Variants in NTF3 observed in about 807,000 individuals in gnomAD.
The protein encoded by NTF3 is neurotrophin 3.
Under a neutral mutation model 26.3 loss-of-function variants are expected in NTF3, and 8 were observed. That is an observed-to-expected ratio of 0.30 (90% CI 0.18 to 0.55). The LOEUF (loss-of-function observed/expected upper bound fraction) is 0.55, where lower values mean the gene tolerates loss of function less well. Among genes scored for constraint, NTF3 ranks in the 20% least tolerant of loss-of-function variants. The pLI is 0.93. For synonymous variants in NTF3, 154 were observed against 145.5 expected (o/e 1.06, Z -0.42); for missense variants, 276 against 352.9 (o/e 0.78, Z 1.75).
In NTF3 at chr12:5,465,673, G is replaced by A. The variant is rs572667231; in HGVS notation, c.19-28521G>A. On this transcript the variant is annotated intron_variant, in intron 1 of 1. Coordinates refer to ENST00000423158, the MANE Select transcript of NTF3 (RefSeq NM_001102654.2). ...TGTGGCTCGCACTCAGACTGCTGAT[G>A]GCCACGCAAGGCTTTCAGCTTCTCT... 1.9e-4 allele frequency among the ~76,000 whole-genome samples: 29 copies of A among 152,334 alleles called. 2 individuals carry two copies. The South Asian group carries it at 6.0e-3, about 32-fold the overall frequency.
At chr12:5,444,855 A>T (rs573596606) in intron 1 of NTF3, among the ~76,000 whole-genome samples, 4 of 152,362 alleles carry the variant, frequency 2.6e-5, no homozygotes, top group African/African-American at 9.6e-5. Context: ...CATGAGATGC[A>T]GAGGGAACGC....
chr12:5,476,537 T>C (rs1289969271), intron 1 of NTF3, among the ~76,000 whole-genome samples: 1 of 152,178 alleles, frequency 6.6e-6, no homozygotes, highest in African/African-American at 2.4e-5. Context: ...GCTGGGAGAA[T>C]AGATGTATAA....
chr12:5,481,555 A>C (rs1940798717), intron 1 of NTF3, among the ~76,000 whole-genome samples: 2 of 144,188 alleles, frequency 1.4e-5, no homozygotes, highest in Non-Finnish European at 3.0e-5. Context: ...ACATATATGC[A>C]CACACACACA....
At chr12:5,485,207 TGG>T (rs1940853570) in intron 1 of NTF3, among the ~76,000 whole-genome samples, 1 of 152,240 alleles carries the variant, frequency 6.6e-6, no homozygotes, top group South Asian at 2.1e-4. Flanking sequence ...AGCCTTAGAC[TGG>T]AAATTTCCCC....
intron 1 of NTF3, among the ~76,000 whole-genome samples, chr12:5,474,314 C>T (rs559164914): frequency 3.3e-5 from 5 of 152,168 alleles, no homozygotes; most frequent in Non-Finnish European, 7.3e-5. Context: ...TAAAAGAATG[C>T]GGTAAGTGCT....
intron 1 of NTF3, among the ~76,000 whole-genome samples, chr12:5,432,606 CAG>C (rs1555141046): frequency 1.7e-4 from 23 of 134,966 alleles, no homozygotes; most frequent in African/African-American, 6.1e-4. Flanking sequence ...CACACACACA[CAG>C]ACACGGACAC....
intron 1 of NTF3, among the ~76,000 whole-genome samples, chr12:5,445,352 TCTC>T (rs1940292732): frequency 6.6e-6 from 1 of 150,754 alleles, no homozygotes; most frequent in African/African-American, 2.4e-5. Flanking sequence ...AGTTTTAAAG[TCTC>T]CTGAAAATTA....
At chr12:5,489,891 A>G (rs1940912499) in intron 1 of NTF3, among the ~76,000 whole-genome samples, 1 of 152,192 alleles carries the variant, frequency 6.6e-6, no homozygotes, top group African/African-American at 2.4e-5. Flanking sequence ...AAAAGGAGGA[A>G]TCAGAAATTG....
chr12:5,473,330 A>G (rs1479081863), intron 1 of NTF3, among the ~76,000 whole-genome samples: 1 of 152,124 alleles, frequency 6.6e-6, no homozygotes, highest in Non-Finnish European at 1.5e-5. Context: ...TGCCCTCAGG[A>G]ACTTGAAATC....
intron 1 of NTF3, among the ~76,000 whole-genome samples, chr12:5,463,904 A>G (rs1940554333): frequency 1.3e-5 from 2 of 152,232 alleles, no homozygotes; most frequent in Non-Finnish European, 2.9e-5. Flanking sequence ...TCTTGGCATA[A>G]TAACGAAATA....
intron 1 of NTF3, among the ~76,000 whole-genome samples, chr12:5,478,413 C>T (rs545668010): frequency 2.0e-5 from 3 of 152,324 alleles, no homozygotes; most frequent in South Asian, 2.1e-4. Context: ...GTTTCACATT[C>T]TGAATCAATG....
At chr12:5,445,764 TC>T (rs1364179538) in intron 1 of NTF3, among the ~76,000 whole-genome samples, 1 of 152,206 alleles carries the variant, frequency 6.6e-6, no homozygotes, top group Non-Finnish European at 1.5e-5. Context: ...TCTGCTCTCC[TC>T]CCTGCCTTTT....
chr12:5,493,459 G>T (rs747939050), intron 1 of NTF3, among the ~76,000 whole-genome samples: 1 of 152,216 alleles, frequency 6.6e-6, no homozygotes, highest in Non-Finnish European at 1.5e-5. Flanking sequence ...TCTGTCTTCT[G>T]CAAGTAGTGC....
chr12:5,470,811 T>C (rs961157446), intron 1 of NTF3, among the ~76,000 whole-genome samples: 1 of 152,228 alleles, frequency 6.6e-6, no homozygotes, highest in African/African-American at 2.4e-5. Context: ...GTGTGGAACA[T>C]GCCACCCAGC....
Position 5,494,981 on chromosome 12 carries a change from G to A in NTF3, c.806G>A (p.Arg269Lys), listed in dbSNP as rs775376148. The change falls in exon 2 of 2, where the codon AGA becomes AAA. Residue 269 changes from arginine (R) to lysine (K), a missense_variant. Physicochemically the swap from Arg to Lys is conservative, Grantham distance 26. Transcript: ENST00000423158. The surrounding 1 kb of genome is among the most constrained non-coding windows in gnomAD (Gnocchi z 8.3). ...CVCALSRKIG[R>K]T The stretch of plus-strand genomic sequence containing the variant: ...TGTGCCTTGTCGAGAAAAATCGGAA[G>A]AACATGAATTGGCATCTCTCCCCAT... The A allele has an allele frequency of 1.2e-6, 2 of 1,613,708 alleles. No homozygotes were observed. Among genetic ancestry groups the A allele is most frequent in the Admixed American group, 1.7e-5 (1 of 59,980 alleles).
At chr12:5,473,503 T>C (rs1940690039) in intron 1 of NTF3, among the ~76,000 whole-genome samples, 1 of 152,228 alleles carries the variant, frequency 6.6e-6, no homozygotes, top group African/African-American at 2.4e-5. Context: ...CTTGCTTTTA[T>C]TTGCAGGTTC....
intron 1 of NTF3, among the ~76,000 whole-genome samples, chr12:5,445,287 GA>G (rs1940290101): frequency 8.7e-6 from 1 of 114,426 alleles, no homozygotes; most frequent in Non-Finnish European, 1.8e-5. Flanking sequence ...TGGATTAAAT[GA>G]TGTGTGTGTG....
intron 1 of NTF3, among the ~76,000 whole-genome samples, chr12:5,442,417 T>C (rs1315601042): frequency 6.6e-6 from 1 of 152,146 alleles, no homozygotes; most frequent in Non-Finnish European, 1.5e-5. Context: ...TGTACAGGTG[T>C]TGGGGCTTGG....
chr12:5,483,008 T>C (rs933562630), intron 1 of NTF3, among the ~76,000 whole-genome samples: 1 of 152,016 alleles, frequency 6.6e-6, no homozygotes, highest in Non-Finnish European at 1.5e-5. Flanking sequence ...TTTATGTCTC[T>C]GTTTATCTCT....
Sources: gnomAD v4.1 joint callset for allele counts (sites outside exome capture counted in the v4.1 genomes callset) on GRCh38, gnomAD v4.1.1 for gene constraint, Gnocchi (gnomAD v3.1) non-coding constraint, MANE v1.5 for transcripts, NCBI Gene and HGNC (gene_info 2026-07-23, HGNC 2026-07-21) for gene names.